The following DENND2A variants were observed in gnomAD, a reference collection of about 807,000 sequenced individuals.
The protein encoded by DENND2A is DENN domain containing 2A, also known as DENN domain-containing protein 2A.
In DENND2A, 53 loss-of-function variants were observed where a neutral mutation model predicts 105.3. That is an observed-to-expected ratio of 0.50 (90% CI 0.40 to 0.63). The LOEUF is 0.63. DENND2A is among the 30% of genes least tolerant of loss of function. The pLI, the probability that DENND2A is intolerant of heterozygous loss-of-function variation, is 0.00. For synonymous variants in DENND2A, 522 were observed against 508.4 expected (o/e 1.03, Z -0.36); for missense variants, 1,138 against 1,279.6 (o/e 0.89, Z 1.69).
rs987018660 is a variant in DENND2A, at chr7:140,628,536, C to CTT, written c.-248+11966_-248+11967dup. Among the ~76,000 whole-genome samples, 225 of 116,102 alleles carry CTT rather than the reference C, an allele frequency of 1.9e-3. 1 individual carries two copies. The highest frequency in any genetic ancestry group is 7.0e-3 in the East Asian group (28 of 3,974). The allele number at this position is 116,102 out of a possible 152,430, so 76.2% of individuals were successfully genotyped here. A position where few individuals can be genotyped will look rare whatever the true frequency, so the allele number is the denominator to read the frequency against. The stretch of plus-strand genomic sequence containing the variant: ...ATCCCCTTTGGCCTAAAATTTCTTT[C>CTT]TTTTTTTTTTTTTTTTTTTTTGAGG... On this transcript the variant is annotated intron_variant, in intron 1 of 19. Coordinates refer to ENST00000496613, the MANE Select transcript of DENND2A (RefSeq NM_015689.5).
intron 14 of DENND2A, chr7:140,544,349 C>T (rs1339437841): frequency 9.2e-6 from 5 of 544,264 alleles, no homozygotes; most frequent in African/African-American, 1.9e-5. Context: ...CGTGGGCCAC[C>T]ATGGCTGGCT....
chr7:140,575,683 AC>A (rs1351291604), intron 5 of DENND2A, among the ~76,000 whole-genome samples: 1 of 152,102 alleles, frequency 6.6e-6, no homozygotes, highest in Non-Finnish European at 1.5e-5. Flanking sequence ...ATCTTAATGT[AC>A]TTGCCGGGCA....
chr7:140,551,069 G>A (rs1376091420), intron 12 of DENND2A, among the ~76,000 whole-genome samples: 1 of 151,668 alleles, frequency 6.6e-6, no homozygotes, highest in East Asian at 2.0e-4. Context: ...GGGATGCCGA[G>A]GCAAGCAGAT....
chr7:140,620,741 T>C (rs1009815079), intron 1 of DENND2A, among the ~76,000 whole-genome samples: 2 of 152,172 alleles, frequency 1.3e-5, no homozygotes, highest in Non-Finnish European at 2.9e-5. Flanking sequence ...TCATATCTCC[T>C]GAAGGGAAGG....
chr7:140,547,885 ATC>A (rs1399769298), intron 12 of DENND2A, among the ~76,000 whole-genome samples: 2 of 152,226 alleles, frequency 1.3e-5, no homozygotes, highest in Non-Finnish European at 2.9e-5. Context: ...ATAAAAGGCC[ATC>A]TAATGTATGA....
At chr7:140,522,234 AG>A in intron 17 of DENND2A, 134 bp from the exon 18 acceptor site, 1 of 1,119,018 alleles carries the variant, frequency 8.9e-7, no homozygotes, top group East Asian at 2.6e-5. Flanking sequence ...ATCCAGGAGG[AG>A]GGTTACCCAG....
chr7:140,536,723 C>T (rs1273219801), intron 14 of DENND2A, among the ~76,000 whole-genome samples: 3 of 151,968 alleles, frequency 2.0e-5, no homozygotes, highest in Non-Finnish European at 1.5e-5. Context: ...GCAGTATAGT[C>T]GTGCCATCTT....
chr7:140,528,120 C>T (rs935001076), intron 14 of DENND2A, among the ~76,000 whole-genome samples: 6 of 152,046 alleles, frequency 3.9e-5, no homozygotes, highest in African/African-American at 1.4e-4. Context: ...GGATTACAGG[C>T]GTGAGCCACC....
At chr7:140,594,099 G>C (rs537659944) in intron 3 of DENND2A, among the ~76,000 whole-genome samples, 74 of 152,036 alleles carry the variant, frequency 4.9e-4, no homozygotes, top group African/African-American at 1.7e-3. Flanking sequence ...CCCGAAACGA[G>C]GTTTCACCAT....
chr7:140,531,052 G>C (rs1379928171), intron 14 of DENND2A, among the ~76,000 whole-genome samples: 1 of 151,808 alleles, frequency 6.6e-6, no homozygotes, highest in Non-Finnish European at 1.5e-5. Flanking sequence ...ACTTTCGAAG[G>C]ATCTAGATCT....
chr7:140,543,127 T>C (rs34608876), intron 14 of DENND2A, among the ~76,000 whole-genome samples: 61,874 of 144,540 alleles, frequency 0.43, 13,903 homozygotes, highest in African/African-American at 0.56. Context: ...TTTTCTTTTT[T>C]TTTTTTTTTT....
chr7:140,592,396 A>G (rs555521171), intron 3 of DENND2A, among the ~76,000 whole-genome samples: 21 of 151,342 alleles, frequency 1.4e-4, no homozygotes, highest in Non-Finnish European at 2.8e-4. Context: ...TATTTTTAGT[A>G]GAGACTGGGT....
intron 4 of DENND2A, among the ~76,000 whole-genome samples, chr7:140,587,228 C>T (rs186186573): frequency 5.5e-4 from 84 of 152,286 alleles, no homozygotes; most frequent in African/African-American, 1.9e-3. Flanking sequence ...ACACAACATT[C>T]TCTCCAGTCC....
At chr7:140,519,905 A>ATTTCC in intron 18 of DENND2A, among the ~76,000 whole-genome samples, 187 bp from the exon 19 acceptor site, 1 of 152,194 alleles carries the variant, frequency 6.6e-6, no homozygotes, top group Non-Finnish European at 1.5e-5. Flanking sequence ...CCTGTGCAGT[A>ATTTCC]ACTCCCTTTG....
At chr7:140,608,925 G>A (rs528661104) in intron 1 of DENND2A, among the ~76,000 whole-genome samples, 3 of 152,234 alleles carry the variant, frequency 2.0e-5, no homozygotes, top group Admixed American at 6.5e-5. Flanking sequence ...AACAGTCTGA[G>A]GGCTGCTCTG....
intron 1 of DENND2A, among the ~76,000 whole-genome samples, chr7:140,629,143 G>A (rs1800641771): frequency 6.6e-6 from 1 of 152,130 alleles, no homozygotes; most frequent in Non-Finnish European, 1.5e-5. Flanking sequence ...AAGACAATTA[G>A]GACAACCAAA....
intron 1 of DENND2A, among the ~76,000 whole-genome samples, chr7:140,607,559 C>T (rs1455748536): frequency 6.6e-6 from 1 of 152,168 alleles, no homozygotes; most frequent in Non-Finnish European, 1.5e-5. Flanking sequence ...TTTAAAGAAG[C>T]CAGGCCCCAG....
chr7:140,589,533 T>G (rs529120145), intron 3 of DENND2A, among the ~76,000 whole-genome samples: 5 of 152,336 alleles, frequency 3.3e-5, no homozygotes, highest in Admixed American at 1.3e-4. Flanking sequence ...AGGTAAAGCC[T>G]TGACTGCCTA....
At chr7:140,609,402 ACTCGGGAGG>A (rs1338928028) in intron 1 of DENND2A, among the ~76,000 whole-genome samples, 6 of 152,026 alleles carry the variant, frequency 3.9e-5, no homozygotes, top group African/African-American at 1.4e-4. Flanking sequence ...AATCCCAGCT[ACTCGGGAGG>A]CTGAGGCAGA....
Sources: allele counts gnomAD v4.1 joint callset (sites outside exome capture counted in the v4.1 genomes callset), GRCh38; gene constraint gnomAD v4.1.1; transcripts MANE v1.5; gene names NCBI Gene and HGNC (gene_info 2026-07-23, HGNC 2026-07-21).